The following PPRC1 variants were observed in gnomAD, a reference collection of about 807,000 sequenced individuals.
The protein encoded by PPRC1 is PPARG related coactivator 1.
Under a neutral mutation model 132.5 loss-of-function variants are expected in PPRC1, and 23 were observed. The ratio of observed to expected loss-of-function variants is 0.17; its 90% confidence interval spans 0.12 to 0.25. The LOEUF (loss-of-function observed/expected upper bound fraction) is 0.25, where lower values mean the gene tolerates loss of function less well. PPRC1 is among the 10% of genes least tolerant of loss of function. PPRC1 has a pLI of 1.00. For synonymous variants in PPRC1, 872 were observed against 833.5 expected (o/e 1.05, Z -0.80); for missense variants, 2,006 against 2,089.1 (o/e 0.96, Z 0.78).
In PPRC1 at chr10:102,147,180, A is replaced by G. The variant is rs779760521; in HGVS notation, c.4188A>G (p.Ser1396=). ...DMNTRTPPEP[S]AKQRSMRCYR... Reference sequence around the variant, plus strand: ...ACACTAGGACTCCCCCTGAACCCTCAGCCAAGCAGCGGTCAATGCGCTGTT... The same window carrying G: ...ACACTAGGACTCCCCCTGAACCCTCGGCCAAGCAGCGGTCAATGCGCTGTT... The change falls in exon 9 of 14, where the codon TCA becomes TCG. Residue 1396 remains serine (S), a synonymous_variant. Transcript: ENST00000278070. 5.6e-6 allele frequency: 9 copies of G among 1,614,020 alleles called. No homozygotes were observed. The highest frequency in any genetic ancestry group is 7.6e-6 in the Non-Finnish European group (9 of 1,180,040).
At chr10:102,145,926 G>A (rs1341177806) in intron 8 of PPRC1, among the ~76,000 whole-genome samples, 3 of 152,154 alleles carry the variant, frequency 2.0e-5, no homozygotes, top group Non-Finnish European at 2.9e-5. Flanking sequence ...AAGAGGGACA[G>A]TCAGGGAAGG....
At chr10:102,145,204 C>T in intron 8 of PPRC1, 114 bp downstream of exon 8, 1 of 970,708 alleles carries the variant, frequency 1.0e-6, no homozygotes, top group Non-Finnish European at 1.5e-6. Flanking sequence ...TGATCTCCAG[C>T]CTTGAGATAC....
chr10:102,138,604 GT>G lies in PPRC1; in HGVS notation c.343-10del. On this transcript the variant is annotated splice_polypyrimidine_tract_variant and intron_variant, in intron 2 of 13. Transcript: ENST00000278070. ...GGGATGTTGGTAGGACCTTCTGGTTGTTTTTCTGGAGCAGAGCAGGTTATCT... is the reference window on the plus strand; with the variant it reads ...GGGATGTTGGTAGGACCTTCTGGTTGTTTTCTGGAGCAGAGCAGGTTATCT... 1 of 1,613,274 alleles carries G rather than the reference GT, an allele frequency of 6.2e-7. No individual in the cohort carries two copies. Among genetic ancestry groups the G allele is most frequent in the African/African-American group, 1.3e-5 (1 of 75,020 alleles).
chr10:102,142,856 A>G (rs2069056904), intron 5 of PPRC1, 189 bp from the exon 6 acceptor site: 1 of 479,798 alleles, frequency 2.1e-6, no homozygotes, highest in South Asian at 3.9e-5. Context: ...CTGGCTGTGG[A>G]GGGTTCTTCA....
At chr10:102,149,002 T>C (rs1333360860) in intron 12 of PPRC1, 64 bp downstream of exon 12, 7 of 1,593,822 alleles carry the variant, frequency 4.4e-6, no homozygotes, top group Non-Finnish European at 6.0e-6. Context: ...GGTGTTTCTT[T>C]GTCTTGCCTC....
In PPRC1 at chr10:102,141,423, C is replaced by T. The variant is rs1369489146; in HGVS notation, c.2915C>T (p.Pro972Leu). ...PWAPPPAPVS[P>L]YSSTCTYGPL... ...GCACCCCCTCCTGCCCCAGTCTCAC[C>T]TTACAGTTCCACATGTACCTATGGG... The change falls in exon 5 of 14, where the codon CCT becomes CTT. Residue 972 changes from proline (P) to leucine (L), a missense_variant. This residue lies in a region of PPRC1 where 1,914 missense variants were observed against 1,917.2 expected (regional missense o/e 1.00). Coordinates refer to ENST00000278070, the MANE Select transcript of PPRC1 (RefSeq NM_015062.5). 1.9e-6 allele frequency: 3 copies of T among 1,613,872 alleles called. No individual in the cohort carries two copies. The highest frequency in any genetic ancestry group is 2.7e-5 in the African/African-American group (2 of 74,902).
At chr10:102,137,514 C>G (rs1405451288) in intron 1 of PPRC1, among the ~76,000 whole-genome samples, 1 of 152,078 alleles carries the variant, frequency 6.6e-6, no homozygotes, top group African/African-American at 2.4e-5. Context: ...CTTTGGTGTG[C>G]CCCTCAGACT....
At chr10:102,129,679 C>T (rs1056432890), upstream of PPRC1, among the ~76,000 whole-genome samples, 1 of 152,148 alleles carries the variant, frequency 6.6e-6, no homozygotes, top group Non-Finnish European at 1.5e-5. Context: ...TCTTGGCTCA[C>T]TGCAACCTCT....
the PPRC1 span, among the ~76,000 whole-genome samples, chr10:102,127,259 C>T: frequency 6.6e-6 from 1 of 151,480 alleles, no homozygotes; most frequent in Non-Finnish European, 1.5e-5. Flanking sequence ...CCTGTAATCC[C>T]GGCTACTCAG....
chr10:102,130,218 C>T (rs538823805), upstream of PPRC1, among the ~76,000 whole-genome samples: 1 of 149,614 alleles, frequency 6.7e-6, no homozygotes, highest in East Asian at 2.0e-4. Flanking sequence ...AAATCGAGAC[C>T]ATCCTGGTTA....
At position 102,139,558 on chromosome 10, in the gene PPRC1, G is replaced by A. The variant is rs1229808630; in HGVS notation, c.1050G>A (p.Gly350=). ...PEGCVVLEIV[G]QAATAGDDLE... is the part of the protein sequence containing the mutation. ...GCTGCGTAGTGCTGGAGATTGTGGG[G>A]CAGGCAGCCACAGCTGGCGATGACC... Residue 350 remains glycine, a synonymous_variant, in exon 5 of 14, where the codon GGG becomes GGA. Coordinates refer to ENST00000278070, the MANE Select transcript of PPRC1 (RefSeq NM_015062.5). 14 of 1,613,792 alleles carry A rather than the reference G, an allele frequency of 8.7e-6. No individual in the cohort carries two copies. In the Admixed American group the frequency reaches 1.5e-4, roughly 17 times the overall value.
chr10:102,130,580 A>C (rs1474764077), upstream of PPRC1, among the ~76,000 whole-genome samples: 1 of 151,796 alleles, frequency 6.6e-6, no homozygotes, highest in African/African-American at 2.4e-5. Context: ...TACTAAAAAT[A>C]CAAAATTAGC....
In PPRC1 at chr10:102,138,980, G is replaced by A. The variant is rs781617641; in HGVS notation, c.591G>A (p.Gly197=). 6.2e-7 allele frequency: 1 copy of A among 1,612,940 alleles called. No individual in the cohort carries two copies. Among genetic ancestry groups the A allele is most frequent in the Non-Finnish European group, 8.5e-7 (1 of 1,178,894 alleles). The change falls in exon 4 of 14, where the codon GGG becomes GGA. Residue 197 remains glycine, a splice_region_variant and synonymous_variant. Transcript: ENST00000278070. ...GTACAGGCAGCAGTAGAGGGAGTGG[G>A]GTAAGCCTGACCTAGAGGGTTTCAG... ...GPSTGSSRGS[G]VEMSLPDPSW... is the part of the protein sequence containing the mutation.
chr10:102,149,115 GTC>G, intron 12 of PPRC1, 61 bp from the exon 13 acceptor site: 1 of 1,529,778 alleles, frequency 6.5e-7, no homozygotes, highest in South Asian at 1.3e-5. Flanking sequence ...GGGATGCTGT[GTC>G]TCCTCTATGG....
Position 102,140,771 on chromosome 10 carries a change from G to C in PPRC1, c.2263G>C (p.Glu755Gln). Residue 755 changes from glutamate to glutamine, a missense_variant, in exon 5 of 14, where the codon GAG becomes CAG. Physicochemically the swap from Glu to Gln is conservative, Grantham distance 29. Around this residue, in one of 2 missense-constraint regions of PPRC1, gnomAD observed 1,914 missense variants for 1,917.2 expected, o/e 1.00. Transcript: ENST00000278070. ...CAGACCTCGGCCTCTCAGCTTATCT[G>C]AGTACCGGCGACGAAGGCAGCAACG... Reference protein sequence around the residue: ...EARPRPLSLSEYRRRRQQRQA... With the variant: ...EARPRPLSLSQYRRRRQQRQA... 6.2e-7 allele frequency: 1 copy of C among 1,613,572 alleles called. No individual in the cohort carries two copies. The highest frequency in any genetic ancestry group is 2.2e-5 in the East Asian group (1 of 44,834).
chr10:102,141,143 C>T lies in PPRC1; in HGVS notation c.2635C>T (p.Leu879=), dbSNP rs1022041227. ...VPTPPSMSAA[L]PFPAGGLGMP... Reference sequence around the variant, plus strand: ...CACACCTCCCTCGATGTCTGCTGCCCTGCCTTTCCCTGCAGGTGGGCTTGG... The same window carrying T: ...CACACCTCCCTCGATGTCTGCTGCCTTGCCTTTCCCTGCAGGTGGGCTTGG... The change falls in exon 5 of 14, where the codon CTG becomes TTG. Residue 879 remains leucine (L), a synonymous_variant. Coordinates refer to ENST00000278070, the MANE Select transcript of PPRC1 (RefSeq NM_015062.5). 2.5e-6 allele frequency: 4 copies of T among 1,614,024 alleles called. No individual in the cohort carries two copies. Among genetic ancestry groups the T allele is most frequent in the Non-Finnish European group, 1.7e-6 (2 of 1,179,938 alleles).
In PPRC1 at chr10:102,150,254, G is replaced by T; in HGVS notation, c.*225G>T. 1 of 438,034 alleles carries T rather than the reference G, an allele frequency of 2.3e-6. No individual in the cohort carries two copies. Among genetic ancestry groups the T allele is most frequent in the Non-Finnish European group, 4.2e-6 (1 of 236,940 alleles). The allele number at this position is 438,034 out of a possible 1,614,324, so 27.1% of individuals were successfully genotyped here. On this transcript the variant is annotated 3_prime_UTR_variant, in exon 14 of 14. Transcript: ENST00000278070. ...TAACTTGCATTCCTATGTAAGATAG[G>T]AGGGGCTGAGGGGATCCCCAGTGTT...
chr10:102,142,655 C>G (rs1419893699), intron 5 of PPRC1, among the ~76,000 whole-genome samples: 1 of 151,832 alleles, frequency 6.6e-6, no homozygotes, highest in East Asian at 1.9e-4. Context: ...ACCTCGTGAT[C>G]CGCCTGCCTC....
chr10:102,140,224 C>T lies in PPRC1; in HGVS notation c.1716C>T (p.Thr572=). 1 of 1,614,238 alleles carries T rather than the reference C, an allele frequency of 6.2e-7. No individual in the cohort carries two copies. Among genetic ancestry groups the T allele is most frequent in the Non-Finnish European group, 8.5e-7 (1 of 1,180,040 alleles). Residue 572 remains threonine, a synonymous_variant, in exon 5 of 14, where the codon ACC becomes ACT. Transcript: ENST00000278070. ...ADTIQTNPIP[T]HLSLVDSAQA... is the part of the protein sequence containing the mutation. ...CTATCCAAACCAATCCTATACCAAC[C>T]CATCTCTCATTGGTCGACTCTGCCC...
Sources: allele counts gnomAD v4.1 joint callset (sites outside exome capture counted in the v4.1 genomes callset), GRCh38; gene constraint gnomAD v4.1.1; regional missense constraint gnomAD v4.1.1; transcripts MANE v1.5; gene names NCBI Gene and HGNC (gene_info 2026-07-23, HGNC 2026-07-21).